The following ZCCHC8 variants were observed in gnomAD, a reference collection of about 807,000 sequenced individuals.
The protein encoded by ZCCHC8 is zinc finger CCHC domain-containing protein 8.
Under a neutral mutation model 70.6 loss-of-function variants are expected in ZCCHC8, and 27 were observed. That is an observed-to-expected ratio of 0.38 (90% CI 0.28 to 0.53). The LOEUF is 0.53. ZCCHC8 is among the 20% of genes least tolerant of loss of function. ZCCHC8 has a pLI of 0.81. For synonymous variants in ZCCHC8, 293 were observed against 317.4 expected (o/e 0.92, Z 0.82); for missense variants, 737 against 876.9 (o/e 0.84, Z 2.01).
chr12:122,494,379 C>T (rs1412929771), intron 2 of ZCCHC8, among the ~76,000 whole-genome samples: 2 of 150,504 alleles, frequency 1.3e-5, no homozygotes, highest in African/African-American at 4.9e-5. Context: ...TGGTGCAACC[C>T]CGTTTCTACT....
chr12:122,492,818 GAAGATATTT>G, intron 2 of ZCCHC8, 29 bp from the exon 3 acceptor site: 3 of 1,430,648 alleles, frequency 2.1e-6, no homozygotes, highest in Non-Finnish European at 2.9e-6. Flanking sequence ...CATATTCTTA[GAAGATATTT>G]AAGTAAAACT....
At chr12:122,491,091 A>T (rs1310831101) in intron 3 of ZCCHC8, 1 of 152,808 alleles carries the variant, frequency 6.5e-6, no homozygotes, top group East Asian at 1.9e-4. Context: ...GCAAGAAAAA[A>T]TACTGAGATC....
At position 122,500,613 on chromosome 12, in the gene ZCCHC8, T is replaced by C; in HGVS notation, c.199+29A>G. On this transcript the variant is annotated intron_variant, in intron 1 of 13. Transcript: ENST00000633063. This position sits in a 1 kb window ranked among gnomAD's most constrained non-coding sequence, Gnocchi z 4.8. ...GCGCTGCCCCGGCCCCACACCCGGGTGACAGGGCCCAGCGAGAGGAAAGGA... is the reference window on the plus strand; with the variant it reads ...GCGCTGCCCCGGCCCCACACCCGGGCGACAGGGCCCAGCGAGAGGAAAGGA... 1.3e-6 allele frequency: 2 copies of C among 1,537,492 alleles called. No homozygotes were observed. Among genetic ancestry groups the C allele is most frequent in the Non-Finnish European group, 8.7e-7 (1 of 1,142,870 alleles).
At chr12:122,485,276 G>A (rs750630956) in intron 5 of ZCCHC8, among the ~76,000 whole-genome samples, 5 of 152,014 alleles carry the variant, frequency 3.3e-5, no homozygotes, top group Admixed American at 6.6e-5. Flanking sequence ...CACCACACCC[G>A]GCTAATTTTG....
chr12:122,472,967 A>G lies in ZCCHC8; in HGVS notation c.*530T>C, dbSNP rs1014706658. ...ATACCTGTATAGCAAGCATATATGA[A>G]GGATGAAGTTACAAAAAAGTAAAAG... On this transcript the variant is annotated 3_prime_UTR_variant, in exon 14 of 14. Transcript: ENST00000633063. The G allele has an allele frequency of 6.5e-6, 1 of 154,366 alleles. No individual in the cohort carries two copies. The highest frequency in any genetic ancestry group is 2.4e-5 in the African/African-American group (1 of 41,486). The allele number at this position is 154,366 out of a possible 1,614,324, so 9.6% of individuals were successfully genotyped here.
At chr12:122,490,710 G>T (rs895609986) in intron 3 of ZCCHC8, 143 bp from the exon 4 acceptor site, 2 of 509,164 alleles carry the variant, frequency 3.9e-6, no homozygotes, top group African/African-American at 1.9e-5. Context: ...GTAATACTCA[G>T]GAACATATTC....
At chr12:122,485,361 G>A (rs1028515350) in intron 5 of ZCCHC8, among the ~76,000 whole-genome samples, 4 of 152,180 alleles carry the variant, frequency 2.6e-5, no homozygotes, top group Admixed American at 6.5e-5. Context: ...TGATCTGCCC[G>A]CCTTGGCCTC....
intron 2 of ZCCHC8, among the ~76,000 whole-genome samples, chr12:122,493,695 C>T (rs1957782887): frequency 6.6e-6 from 1 of 151,980 alleles, no homozygotes; most frequent in Non-Finnish European, 1.5e-5. Flanking sequence ...TCACTGCAAG[C>T]TCTGCTTCCC....
intron 2 of ZCCHC8, 137 bp downstream of exon 2, chr12:122,498,690 G>T (rs1177870277): frequency 2.4e-6 from 2 of 823,874 alleles, no homozygotes; most frequent in South Asian, 1.6e-5. Context: ...CTATTACTTT[G>T]ATTTCTTCAG....
chr12:122,497,749 C>G (rs1039336584), intron 2 of ZCCHC8, among the ~76,000 whole-genome samples: 17 of 151,868 alleles, frequency 1.1e-4, no homozygotes, highest in Middle Eastern at 3.4e-3. Context: ...TGGCTCATCC[C>G]TGTAATTCCA....
chr12:122,496,620 C>T (rs1227083650), intron 2 of ZCCHC8, among the ~76,000 whole-genome samples: 1 of 152,044 alleles, frequency 6.6e-6, no homozygotes, highest in Non-Finnish European at 1.5e-5. Context: ...TATTAAGCCT[C>T]CCATGTAGCT....
chr12:122,500,906 G>C lies in ZCCHC8; in HGVS notation c.-66C>G. ...CACCAGGGCTTGGGGAAGAAGGTTGGAAGGCGGCACCACTCTCTAGAGCTC... is the reference window on the plus strand; with the variant it reads ...CACCAGGGCTTGGGGAAGAAGGTTGCAAGGCGGCACCACTCTCTAGAGCTC... On this transcript the variant is annotated 5_prime_UTR_variant, in exon 1 of 14. Coordinates refer to ENST00000633063, the MANE Select transcript of ZCCHC8 (RefSeq NM_017612.5). This position sits in a 1 kb window ranked among gnomAD's most constrained non-coding sequence, Gnocchi z 4.8. 1 of 1,510,502 alleles carries C rather than the reference G, an allele frequency of 6.6e-7. No homozygotes were observed. The highest frequency in any genetic ancestry group is 9.0e-7 in the Non-Finnish European group (1 of 1,116,760). The allele number at this position is 1,510,502 out of a possible 1,614,324, so 93.6% of individuals were successfully genotyped here.
chr12:122,489,564 C>T (rs373199829), intron 4 of ZCCHC8, 101 bp from the exon 5 acceptor site: 57 of 1,066,724 alleles, frequency 5.3e-5, no homozygotes, highest in South Asian at 1.9e-4. Flanking sequence ...TGTTTATGAA[C>T]GACATTTCAT....
intron 11 of ZCCHC8, 96 bp downstream of exon 11, chr12:122,480,094 G>T (rs920841617): frequency 2.6e-6 from 3 of 1,161,162 alleles, no homozygotes; most frequent in Non-Finnish European, 3.6e-6. Flanking sequence ...TTACAGGTGT[G>T]AGCCACTATG....
At chr12:122,488,099 C>T (rs376355154) in intron 5 of ZCCHC8, among the ~76,000 whole-genome samples, 2 of 151,422 alleles carry the variant, frequency 1.3e-5, no homozygotes, top group East Asian at 1.9e-4. Flanking sequence ...TGGCAAATCT[C>T]GGCTCACTGC....
chr12:122,481,762 A>C lies in ZCCHC8; in HGVS notation c.876-98T>G, dbSNP rs1566291787. On this transcript the variant is annotated intron_variant, in intron 9 of 13. Coordinates refer to ENST00000633063, the MANE Select transcript of ZCCHC8 (RefSeq NM_017612.5). ...TTAAAACATTTCTTGCTTATATTAC[A>C]TACCATGACGTCTAACAAATATAAA... 27 of 1,418,554 alleles carry C rather than the reference A, an allele frequency of 1.9e-5. No homozygotes were observed. Among genetic ancestry groups the C allele is most frequent in the Admixed American group, 5.1e-5 (2 of 39,578 alleles). The allele number at this position is 1,418,554 out of a possible 1,614,324, so 87.9% of individuals were successfully genotyped here. A position where few individuals can be genotyped will look rare whatever the true frequency, so the allele number is the denominator to read the frequency against.
chr12:122,483,398 T>C lies in ZCCHC8; in HGVS notation c.606-54A>G. 6.4e-7 allele frequency: 1 copy of C among 1,570,404 alleles called. No individual in the cohort carries two copies. On this transcript the variant is annotated intron_variant, in intron 6 of 13. Transcript: ENST00000633063. This position sits in a 1 kb window ranked among gnomAD's most constrained non-coding sequence, Gnocchi z 4.4. ...ATCATGGTCTGCAAAATTTGGAAAT[T>C]GTTTTAAAGGTGAACTTAGTGGCAA...
In ZCCHC8 at chr12:122,481,589, C is replaced by A. The variant is rs753447389; in HGVS notation, c.951G>T (p.Gly317=). The change falls in exon 10 of 14, where the codon GGG becomes GGT. Residue 317 remains glycine (G), a synonymous_variant. Transcript: ENST00000633063. Reference sequence around the variant, plus strand: ...CCTCTTTGAGCCACCCTGGTGGGTACCCTAGCTGGCGCATCCGATAGATAA... The same window carrying A: ...CCTCTTTGAGCCACCCTGGTGGGTAACCTAGCTGGCGCATCCGATAGATAA... ...PPFIYRMRQL[G]YPPGWLKEAE... The A allele has an allele frequency of 8.1e-6, 13 of 1,613,830 alleles. No homozygotes were observed. The African/African-American group carries it at 1.3e-4, about 17-fold the overall frequency.
At position 122,477,828 on chromosome 12, in the gene ZCCHC8, G is replaced by A. The variant is rs758546244; in HGVS notation, c.1345+13C>T. On this transcript the variant is annotated intron_variant, in intron 13 of 13. Transcript: ENST00000633063. ...AAAAAAGAGAGAAATCAGAGCCATAGGATGAAACCTACCTGAATCGAGCTC... is the reference window on the plus strand; with the variant it reads ...AAAAAAGAGAGAAATCAGAGCCATAAGATGAAACCTACCTGAATCGAGCTC... 4 of 1,551,390 alleles carry A rather than the reference G, an allele frequency of 2.6e-6. No individual in the cohort carries two copies. In the South Asian group the frequency reaches 4.5e-5, roughly 17 times the overall value.
Sources: gnomAD v4.1 joint callset for allele counts (sites outside exome capture counted in the v4.1 genomes callset) on GRCh38, gnomAD v4.1.1 for gene constraint, Gnocchi (gnomAD v3.1) non-coding constraint, MANE v1.5 for transcripts, NCBI Gene and HGNC (gene_info 2026-07-23, HGNC 2026-07-21) for gene names.